The following RBFOX1 variants were observed in gnomAD, a reference collection of about 807,000 sequenced individuals.
RBFOX1 encodes the protein RNA binding protein fox-1 homolog 1.
A neutral mutation model predicts 57.7 loss-of-function variants in RBFOX1; 8 were observed. The observed-to-expected ratio is 0.14, with a 90% confidence interval of 0.08 to 0.25. RBFOX1 has a LOEUF of 0.25. Ranked by LOEUF, RBFOX1 falls within the 10% of genes least tolerant of loss-of-function variation. The probability of loss-of-function intolerance (pLI) is 1.00; values close to 1 mark genes in which losing one functional copy is unlikely to be tolerated. For missense variants in RBFOX1, 611 were observed against 548.5 expected, an observed-to-expected ratio of 1.11 and a Z score of -1.14; for synonymous variants, 326 against 222.4, an observed-to-expected ratio of 1.47 and a Z score of -4.15.
intron 3 of RBFOX1, among the ~76,000 whole-genome samples, chr16:6,923,031 A>G (rs905951894): frequency 3.3e-5 from 5 of 152,240 alleles, no homozygotes; most frequent in Non-Finnish European, 7.3e-5. Flanking sequence ...AGCAAACCAT[A>G]GACAGTGCAG....
intron 2 of RBFOX1, among the ~76,000 whole-genome samples, chr16:6,453,046 C>A (rs1056949598): frequency 6.6e-6 from 1 of 152,114 alleles, no homozygotes; most frequent in East Asian, 1.9e-4. Context: ...TCCTCTTATT[C>A]CACAGGTATG....
chr16:6,614,177 C>T (rs969548656), intron 2 of RBFOX1, among the ~76,000 whole-genome samples: 1 of 152,080 alleles, frequency 6.6e-6, no homozygotes, highest in African/African-American at 2.4e-5. Context: ...TCATATCATT[C>T]AGATCTTGTT....
At chr16:7,557,207 G>A (rs556448555) in intron 5 of RBFOX1, among the ~76,000 whole-genome samples, 1 of 152,222 alleles carries the variant, frequency 6.6e-6, no homozygotes, top group South Asian at 2.1e-4. Context: ...TCGAACCCAG[G>A]TGTTTCTTCC....
At chr16:7,487,982 T>C (rs2065867336) in intron 4 of RBFOX1, among the ~76,000 whole-genome samples, 1 of 152,130 alleles carries the variant, frequency 6.6e-6, no homozygotes, top group South Asian at 2.1e-4. Flanking sequence ...CTTTTCTAAT[T>C]AACTCTGGAG....
chr16:7,147,431 G>A (rs8046631), intron 4 of RBFOX1, among the ~76,000 whole-genome samples: 54,874 of 151,658 alleles, frequency 0.36, 10,425 homozygotes, highest in African/African-American at 0.49. Context: ...GGTGGTGGGC[G>A]TAGTACTTGG....
chr16:5,856,770 G>C lies in RBFOX1; in HGVS notation c.319-10533G>C, dbSNP rs183125173. ...CTTCCTACCATTCTCAGCCTTCATA[G>C]AATTGAAGAGAGTTAGGGTCTTGCT... On this transcript the variant is annotated intron_variant, in intron 3 of 19. Coordinates refer to the RBFOX1 transcript ENST00000641259. Among the ~76,000 whole-genome samples, 449 of 151,264 alleles carry C rather than the reference G, an allele frequency of 3.0e-3. 3 individuals carry two copies. Among genetic ancestry groups the C allele is most frequent in the African/African-American group, 0.011 (437 of 41,176 alleles).
intron 3 of RBFOX1, among the ~76,000 whole-genome samples, chr16:6,752,118 C>A (rs370080774): frequency 1.3e-5 from 2 of 152,220 alleles, no homozygotes; most frequent in African/African-American, 4.8e-5. Context: ...CTGCATGTAC[C>A]ATAAAAACGA....
At chr16:6,352,955 G>T (rs1330026746) in intron 2 of RBFOX1, among the ~76,000 whole-genome samples, 1 of 152,080 alleles carries the variant, frequency 6.6e-6, no homozygotes, top group Non-Finnish European at 1.5e-5. Flanking sequence ...ATTTGCTTTG[G>T]GGCATGAGAA....
intron 4 of RBFOX1, among the ~76,000 whole-genome samples, chr16:7,175,959 G>A (rs953176014): frequency 1.3e-5 from 2 of 152,026 alleles, no homozygotes; most frequent in South Asian, 2.1e-4. Flanking sequence ...CTGGAAAGCT[G>A]TAAATGCAGA....
intron 14 of RBFOX1, among the ~76,000 whole-genome samples, chr16:7,696,427 G>C (rs562570828): frequency 2.6e-5 from 4 of 152,234 alleles, no homozygotes; most frequent in African/African-American, 9.6e-5. Flanking sequence ...GGAGGTCTCC[G>C]TCTGTGATTC....
chr16:6,851,170 T>C (rs1269411952), intron 3 of RBFOX1, among the ~76,000 whole-genome samples: 1 of 152,210 alleles, frequency 6.6e-6, no homozygotes, highest in Non-Finnish European at 1.5e-5. Flanking sequence ...AGCAATCATT[T>C]TTATGTATCT....
At chr16:7,094,771 T>TGTGTGTGGGTGTGG (rs945776849) in intron 4 of RBFOX1, among the ~76,000 whole-genome samples, 1 of 140,844 alleles carries the variant, frequency 7.1e-6, no homozygotes, top group Admixed American at 7.1e-5. Context: ...TGTGTGTGTG[T>TGTGTGTGGGTGTGG]GTGTGGGTGT....
At chr16:5,417,728 A>G (rs192358362) in intron 1 of RBFOX1, among the ~76,000 whole-genome samples, 10 of 152,294 alleles carry the variant, frequency 6.6e-5, no homozygotes, top group Non-Finnish European at 1.3e-4. Flanking sequence ...TGTATGTTGA[A>G]TGAATAGGTC....
At position 6,019,247 on chromosome 16, in the gene RBFOX1, C is replaced by T. The variant is rs2095023209; in HGVS notation, c.-872C>T. The T allele has an allele frequency of 3.0e-6, 3 of 985,424 alleles. No individual in the cohort carries two copies. Among genetic ancestry groups the T allele is most frequent in the Non-Finnish European group, 3.6e-6 (3 of 830,048 alleles). 61.0% of individuals were successfully genotyped at this position (985,424 alleles called of 1,614,324 possible). ...GCCGTCTGGGTGCACACACCGCTCCCTCGATCACCCCAGCCCCCTTCCTGG... is the reference window on the plus strand; with the variant it reads ...GCCGTCTGGGTGCACACACCGCTCCTTCGATCACCCCAGCCCCCTTCCTGG... On this transcript the variant is annotated 5_prime_UTR_variant, in exon 1 of 16. Coordinates refer to ENST00000550418, the MANE Select transcript of RBFOX1 (RefSeq NM_018723.4). This position sits in a 1 kb window ranked among gnomAD's most constrained non-coding sequence, Gnocchi z 4.2.
intron 4 of RBFOX1, among the ~76,000 whole-genome samples, chr16:6,005,932 G>T (rs890766280): frequency 3.9e-5 from 6 of 152,204 alleles, no homozygotes; most frequent in Admixed American, 3.9e-4. Context: ...AGAGACGAAT[G>T]TGTCATTCTT....
chr16:7,512,933 C>T (rs149782805), intron 4 of RBFOX1, among the ~76,000 whole-genome samples: 1 of 152,122 alleles, frequency 6.6e-6, no homozygotes, highest in Non-Finnish European at 1.5e-5. Flanking sequence ...AAACACAGGT[C>T]CATGGTGTGT....
chr16:6,885,067 C>T (rs1409011281), intron 3 of RBFOX1, among the ~76,000 whole-genome samples: 1 of 152,182 alleles, frequency 6.6e-6, no homozygotes, highest in Non-Finnish European at 1.5e-5. Context: ...AAATCTCCTG[C>T]AGAAACTGAT....
chr16:6,889,130 A>G (rs1276935141), intron 3 of RBFOX1, among the ~76,000 whole-genome samples: 3 of 152,190 alleles, frequency 2.0e-5, no homozygotes, highest in African/African-American at 4.8e-5. Flanking sequence ...CTGGCTTCAA[A>G]TCTCCAATCT....
chr16:7,631,416 T>C (rs184233500), intron 11 of RBFOX1, among the ~76,000 whole-genome samples: 1 of 152,300 alleles, frequency 6.6e-6, no homozygotes, highest in Non-Finnish European at 1.5e-5. Flanking sequence ...AAGGATGCCC[T>C]ATCCTCACCC....
Sources: allele counts gnomAD v4.1 joint callset (sites outside exome capture counted in the v4.1 genomes callset), GRCh38; gene constraint gnomAD v4.1.1; non-coding constraint Gnocchi (gnomAD v3.1); transcripts MANE v1.5; gene names NCBI Gene and HGNC (gene_info 2026-07-23, HGNC 2026-07-21).